Variants in CUL1 observed in about 807,000 individuals in gnomAD.
The protein encoded by CUL1 is cullin 1.
Under a neutral mutation model 118.0 loss-of-function variants are expected in CUL1, and 24 were observed. The ratio of observed to expected loss-of-function variants is 0.20; its 90% CI spans 0.15 to 0.29. CUL1 has a LOEUF of 0.29. CUL1 is among the 10% of genes least tolerant of loss of function. CUL1 has a pLI of 1.00. For synonymous variants in CUL1, 332 were observed against 340.4 expected (o/e 0.98, Z 0.27); for missense variants, 361 against 933.8 (o/e 0.39, Z 7.99).
At chr7:148,746,075 G>A (rs1244547401) in intron 2 of CUL1, among the ~76,000 whole-genome samples, 4 of 151,996 alleles carry the variant, frequency 2.6e-5, no homozygotes, top group Non-Finnish European at 4.4e-5. Context: ...TCTGTTTTGT[G>A]AGGCCCCTTG....
intron 2 of CUL1, among the ~76,000 whole-genome samples, chr7:148,746,630 G>A (rs1799317391): frequency 6.6e-6 from 1 of 152,172 alleles, no homozygotes; most frequent in African/African-American, 2.4e-5. Context: ...TGGACTCTAT[G>A]TAAAACCATT....
At chr7:148,719,995 G>A (rs150689787) in intron 1 of CUL1, among the ~76,000 whole-genome samples, 109 of 152,320 alleles carry the variant, frequency 7.2e-4, no homozygotes, top group African/African-American at 2.5e-3. Context: ...GCTTGTACAT[G>A]CAGAGAATAT....
chr7:148,796,405 G>A (rs919357556), intron 17 of CUL1, among the ~76,000 whole-genome samples: 1 of 152,256 alleles, frequency 6.6e-6, no homozygotes, highest in African/African-American at 2.4e-5. Context: ...ATTCATAAGG[G>A]ATATTGCTCC....
intron 2 of CUL1, among the ~76,000 whole-genome samples, chr7:148,748,675 T>C (rs1418588488): frequency 6.6e-6 from 1 of 152,172 alleles, no homozygotes; most frequent in Non-Finnish European, 1.5e-5. Flanking sequence ...CTGTATCCAA[T>C]AGTTAGAGAT....
intron 1 of CUL1, among the ~76,000 whole-genome samples, chr7:148,722,452 A>G: frequency 6.6e-6 from 1 of 152,154 alleles, no homozygotes; most frequent in East Asian, 1.9e-4. Flanking sequence ...TCTTCCATAA[A>G]GACCAAGACC....
intron 1 of CUL1, among the ~76,000 whole-genome samples, chr7:148,721,112 G>A (rs1398965241): frequency 6.6e-6 from 1 of 152,180 alleles, no homozygotes; most frequent in Non-Finnish European, 1.5e-5. Flanking sequence ...TCTCAGTTCT[G>A]AGTGGCTTAG....
chr7:148,767,765 T>C lies in CUL1; in HGVS notation c.1083+16T>C, dbSNP rs781708521. The stretch of plus-strand genomic sequence containing the variant: ...TGCTTTAAATGTAAGTGAGATTTCA[T>C]TGAAAATCAGTCAGGCTGATTATTT... On this transcript the variant is annotated intron_variant, in intron 9 of 21. Coordinates refer to ENST00000325222, the MANE Select transcript of CUL1 (RefSeq NM_003592.3). The C allele has an allele frequency of 7.1e-5, 115 of 1,610,854 alleles. No homozygotes were observed. Among genetic ancestry groups the C allele is most frequent in the Non-Finnish European group, 9.0e-5 (106 of 1,178,860 alleles).
At chr7:148,775,154 A>G (rs560633168) in intron 9 of CUL1, among the ~76,000 whole-genome samples, 1 of 152,300 alleles carries the variant, frequency 6.6e-6, no homozygotes, top group Admixed American at 6.5e-5. Flanking sequence ...GGTAGATTTG[A>G]GTTTGGGTTT....
intron 2 of CUL1, among the ~76,000 whole-genome samples, chr7:148,739,528 A>T (rs994587473): frequency 6.6e-6 from 1 of 152,112 alleles, no homozygotes; most frequent in Non-Finnish European, 1.5e-5. Context: ...GACCATTCGT[A>T]TGTCATCTTT....
chr7:148,766,542 T>G lies in CUL1; in HGVS notation c.790-19T>G. 1 of 1,582,778 alleles carries G rather than the reference T, an allele frequency of 6.3e-7. No homozygotes were observed. On this transcript the variant is annotated intron_variant, in intron 7 of 21. Transcript: ENST00000325222. The stretch of plus-strand genomic sequence containing the variant: ...TTACCAATGAATCAAAACCATTCAC[T>G]TGAATTAATTTTCTCCAGGCAGAGG...
At chr7:148,767,896 T>G (rs1035538087) in intron 9 of CUL1, 147 bp downstream of exon 9, 21 of 800,928 alleles carry the variant, frequency 2.6e-5, no homozygotes, top group Non-Finnish European at 4.1e-5. Flanking sequence ...TTGAAGTAGA[T>G]AGTTCACAGA....
intron 9 of CUL1, among the ~76,000 whole-genome samples, chr7:148,773,906 C>T (rs1800308290): frequency 6.6e-6 from 1 of 152,128 alleles, no homozygotes; most frequent in African/African-American, 2.4e-5. Flanking sequence ...GTGAACGTCC[C>T]TCTATTGTAG....
intron 3 of CUL1, 39 bp downstream of exon 3, chr7:148,754,189 G>A (rs1214703451): frequency 7.6e-7 from 1 of 1,313,696 alleles, no homozygotes; most frequent in East Asian, 2.5e-5. Context: ...TTCATAACAG[G>A]ATATAAAAAA....
intron 6 of CUL1, 126 bp from the exon 7 acceptor site, chr7:148,760,207 T>G: frequency 1.4e-6 from 1 of 693,414 alleles, no homozygotes. Flanking sequence ...TAAGAGTTAC[T>G]TATGTCCTGC....
At chr7:148,699,146 C>T (rs950671061) in intron 1 of CUL1, 117 bp downstream of exon 1, 3 of 152,582 alleles carry the variant, frequency 2.0e-5, no homozygotes, top group Non-Finnish European at 4.4e-5. Flanking sequence ...AACCAGGCGC[C>T]TGGCGAGGCC....
chr7:148,710,688 C>T (rs559389648), intron 1 of CUL1, among the ~76,000 whole-genome samples: 3 of 149,092 alleles, frequency 2.0e-5, no homozygotes, highest in African/African-American at 4.9e-5. Context: ...GTTGGGGTTT[C>T]GCTGTTGTCT....
At chr7:148,731,303 C>T (rs1798756311) in intron 2 of CUL1, among the ~76,000 whole-genome samples, 1 of 152,116 alleles carries the variant, frequency 6.6e-6, no homozygotes, top group African/African-American at 2.4e-5. Context: ...TTCAACGGAG[C>T]TTCAGGTTTA....
chr7:148,736,855 A>G (rs1798961000), intron 2 of CUL1, among the ~76,000 whole-genome samples: 1 of 152,248 alleles, frequency 6.6e-6, no homozygotes, highest in South Asian at 2.1e-4. Flanking sequence ...ATGAAGTGGT[A>G]TGTGAATTGT....
rs1262834985 is a variant in CUL1 at position 148,789,835 on chromosome 7, G to C, written c.1674+9G>C. The C allele has an allele frequency of 6.2e-7, 1 of 1,613,480 alleles. No individual in the cohort carries two copies. ...TTGCCTTGCCGTCAGAGGTAAGGAT[G>C]GGTTTGTCTGCCATCCCATTAGTGC... On this transcript the variant is annotated intron_variant, in intron 15 of 21. Transcript: ENST00000325222.
Sources: allele counts gnomAD v4.1 joint callset (sites outside exome capture counted in the v4.1 genomes callset), GRCh38; gene constraint gnomAD v4.1.1; transcripts MANE v1.5; gene names NCBI Gene and HGNC (gene_info 2026-07-23, HGNC 2026-07-21).